Variants in SPAG16 observed in about 807,000 individuals in gnomAD.
SPAG16 encodes the protein sperm associated antigen 16.
A neutral mutation model predicts 80.4 loss-of-function variants in SPAG16; 86 were observed. The ratio of observed to expected loss-of-function variants is 1.07; its 90% CI spans 0.90 to 1.28. The LOEUF (loss-of-function observed/expected upper bound fraction) is 1.28, where lower values mean the gene tolerates loss of function less well. SPAG16 is among the 50% of genes most tolerant of loss of function. The pLI is 0.00. For missense variants in SPAG16, 870 were observed against 765.3 expected, an observed-to-expected ratio of 1.14 and a Z score of -1.61; for synonymous variants, 294 against 265.9, an observed-to-expected ratio of 1.11 and a Z score of -1.03.
chr2:213,776,836 C>CCA, intron 10 of SPAG16, among the ~76,000 whole-genome samples: 1 of 116,022 alleles, frequency 8.6e-6, no homozygotes, highest in East Asian at 3.1e-4. Context: ...ACCCCCCCCC[C>CCA]ACCCCAGGAC....
chr2:214,261,097 G>GAA (rs1283652448), intron 15 of SPAG16, among the ~76,000 whole-genome samples: 6 of 83,238 alleles, frequency 7.2e-5, no homozygotes, highest in Non-Finnish European at 1.0e-4. Context: ...ACAAGAGCAA[G>GAA]ACTCAGTCTC....
chr2:214,025,961 T>C (rs1394673900), intron 13 of SPAG16, among the ~76,000 whole-genome samples: 1 of 151,564 alleles, frequency 6.6e-6, no homozygotes, highest in East Asian at 1.9e-4. Flanking sequence ...TTTATTTGAC[T>C]ACCCAGCATC....
intron 9 of SPAG16, among the ~76,000 whole-genome samples, chr2:213,463,610 T>C (rs1187980113): frequency 6.6e-6 from 1 of 152,226 alleles, no homozygotes; most frequent in Non-Finnish European, 1.5e-5. Flanking sequence ...AGCTTTCACA[T>C]GGTGTGGAGC....
At chr2:213,792,561 A>G (rs1178674833) in intron 10 of SPAG16, among the ~76,000 whole-genome samples, 1 of 146,066 alleles carries the variant, frequency 6.8e-6, no homozygotes, top group Non-Finnish European at 1.5e-5. Context: ...CCTAATTTTC[A>G]GTGAAAATGA....
At chr2:213,768,541 T>A (rs1377530759) in intron 10 of SPAG16, among the ~76,000 whole-genome samples, 1 of 152,156 alleles carries the variant, frequency 6.6e-6, no homozygotes, top group Non-Finnish European at 1.5e-5. Flanking sequence ...TGACTGGGTA[T>A]GGAAGGTGTG....
intron 4 of SPAG16, 34 bp from the exon 5 acceptor site, chr2:213,317,185 A>T: frequency 1.4e-6 from 2 of 1,386,752 alleles, no homozygotes; most frequent in Non-Finnish European, 2.0e-6. Flanking sequence ...GCAGAAAGAA[A>T]TGATATAAAC....
In SPAG16 at chr2:214,158,592, C is replaced by T. The variant is rs539526185; in HGVS notation, c.1720+9326C>T. Among the ~76,000 whole-genome samples, 217 of 151,938 alleles carry T rather than the reference C, an allele frequency of 1.4e-3. 1 individual carries two copies. The highest frequency in any genetic ancestry group is 3.2e-4 in the Non-Finnish European group (22 of 67,884). ...TGACTCATTCTGATTAAATCAGAGCCGAAAAATAACTTTACAAATTGCAGC... is the reference window on the plus strand; with the variant it reads ...TGACTCATTCTGATTAAATCAGAGCTGAAAAATAACTTTACAAATTGCAGC... On this transcript the variant is annotated intron_variant, in intron 15 of 15. Coordinates refer to ENST00000331683, the MANE Select transcript of SPAG16 (RefSeq NM_024532.5).
At chr2:214,042,005 T>C (rs866169463) in intron 13 of SPAG16, among the ~76,000 whole-genome samples, 36 of 123,104 alleles carry the variant, frequency 2.9e-4, no homozygotes, top group African/African-American at 6.8e-4. Context: ...TATATATATA[T>C]ATACACACAC....
chr2:213,954,031 C>G (rs972286240), intron 12 of SPAG16, among the ~76,000 whole-genome samples: 2 of 151,896 alleles, frequency 1.3e-5, no homozygotes, highest in African/African-American at 4.8e-5. Context: ...GTTTACAATT[C>G]AGTATTTTTA....
intron 15 of SPAG16, among the ~76,000 whole-genome samples, chr2:214,152,500 C>T (rs893174040): frequency 1.3e-5 from 2 of 152,120 alleles, no homozygotes; most frequent in Admixed American, 1.3e-4. Flanking sequence ...ATGATATTCT[C>T]TAATAAGGAA....
chr2:213,916,664 TC>T (rs1425563758), intron 11 of SPAG16, among the ~76,000 whole-genome samples: 5 of 151,946 alleles, frequency 3.3e-5, no homozygotes, highest in African/African-American at 4.8e-5. Context: ...TCCCACCTGC[TC>T]CCCCCATGAC....
chr2:213,883,654 A>G (rs2076437253), intron 11 of SPAG16, among the ~76,000 whole-genome samples: 1 of 151,520 alleles, frequency 6.6e-6, no homozygotes, highest in South Asian at 2.1e-4. Flanking sequence ...AGACCTTTTG[A>G]TATGCCAAGA....
intron 3 of SPAG16, among the ~76,000 whole-genome samples, chr2:213,301,430 A>G (rs2062736715): frequency 6.6e-6 from 1 of 152,208 alleles, no homozygotes; most frequent in South Asian, 2.1e-4. Context: ...TAAAGTTGTC[A>G]AAGGAACTCA....
intron 13 of SPAG16, among the ~76,000 whole-genome samples, chr2:214,059,210 A>G (rs368617480): frequency 7.2e-4 from 59 of 82,350 alleles, no homozygotes; most frequent in African/African-American, 2.3e-3. Context: ...ATATATATAT[A>G]TATATGTATG....
At chr2:213,316,458 T>G (rs139396521) in intron 4 of SPAG16, among the ~76,000 whole-genome samples, 22 of 152,192 alleles carry the variant, frequency 1.4e-4, no homozygotes, top group African/African-American at 5.1e-4. Context: ...ACTAATCCCT[T>G]TAAAACATAA....
chr2:214,114,074 G>A (rs896023062), intron 14 of SPAG16, among the ~76,000 whole-genome samples: 5 of 152,180 alleles, frequency 3.3e-5, no homozygotes, highest in Admixed American at 3.3e-4. Flanking sequence ...CCTTCTGACA[G>A]TCAGGTCCCT....
At chr2:214,369,125 A>T (rs907857917) in intron 15 of SPAG16, among the ~76,000 whole-genome samples, 1 of 152,086 alleles carries the variant, frequency 6.6e-6, no homozygotes, top group African/African-American at 2.4e-5. Flanking sequence ...CCAGTGGACA[A>T]CTCAGGAGAT....
chr2:213,285,361 G>T (rs181377842), intron 1 of SPAG16, among the ~76,000 whole-genome samples: 1 of 152,172 alleles, frequency 6.6e-6, no homozygotes, highest in East Asian at 1.9e-4. Context: ...TAAGGCTTTA[G>T]AACTTCTTTC....
chr2:213,763,650 T>C (rs2068778945), intron 10 of SPAG16, among the ~76,000 whole-genome samples: 1 of 140,168 alleles, frequency 7.1e-6, no homozygotes, highest in Non-Finnish European at 1.6e-5. Flanking sequence ...TTTTAAAGGG[T>C]GGATCTCATT....
Sources: gnomAD v4.1 joint callset for allele counts (sites outside exome capture counted in the v4.1 genomes callset) on GRCh38, gnomAD v4.1.1 for gene constraint, MANE v1.5 for transcripts, NCBI Gene and HGNC (gene_info 2026-07-23, HGNC 2026-07-21) for gene names.